The following LOXL4 variants were observed in gnomAD, a reference collection of about 807,000 sequenced individuals.
LOXL4 encodes the protein lysyl oxidase homolog 4.
A neutral mutation model predicts 89.1 loss-of-function variants in LOXL4; 72 were observed. The ratio of observed to expected loss-of-function variants is 0.81; its 90% CI spans 0.67 to 0.98. The LOEUF (loss-of-function observed/expected upper bound fraction) is 0.98. Ranked by LOEUF, LOXL4 falls within the 50% of genes least tolerant of loss-of-function variation. The pLI, the probability that LOXL4 is intolerant of heterozygous loss-of-function variation, is 0.00. For missense variants in LOXL4, 984 were observed against 1,017.5 expected, an observed-to-expected ratio of 0.97 and a Z score of 0.45; for synonymous variants, 355 against 392.1, an observed-to-expected ratio of 0.91 and a Z score of 1.12.
In LOXL4 at chr10:98,261,058, C is replaced by G; in HGVS notation, c.526G>C (p.Glu176Gln). 1 of 1,613,974 alleles carries G rather than the reference C, an allele frequency of 6.2e-7. No individual in the cohort carries two copies. Among genetic ancestry groups the G allele is most frequent in the Non-Finnish European group, 8.5e-7 (1 of 1,180,048 alleles). The change falls in exon 4 of 15, where the codon GAG becomes CAG. Residue 176 changes from glutamate to glutamine, a missense_variant. By Grantham distance (29) the Glu-to-Gln change is conservative. Coordinates refer to ENST00000260702, the MANE Select transcript of LOXL4 (RefSeq NM_032211.7). ...TCATACTTCACCTCCACGGCTCCCTCGGTCACTGGGCTATGCTGCTTGGCA... is the reference window on the plus strand; with the variant it reads ...TCATACTTCACCTCCACGGCTCCCTGGGTCACTGGGCTATGCTGCTTGGCA... ...ASAKQHSPVT[E>Q]GAVEVKYEGH...
intron 11 of LOXL4, among the ~76,000 whole-genome samples, chr10:98,253,111 T>C (rs946076374): frequency 2.0e-5 from 3 of 152,230 alleles, no homozygotes; most frequent in Non-Finnish European, 1.5e-5. Context: ...TTCATGCTGT[T>C]CTTTGAGGGC....
rs759559246 is a variant in LOXL4 at position 98,253,757 on chromosome 10, T to G, written c.1631A>C (p.Glu544Ala). 1.9e-6 allele frequency: 3 copies of G among 1,614,122 alleles called. No individual in the cohort carries two copies. In the Admixed American group the frequency reaches 5.0e-5, roughly 27 times the overall value. Reference protein sequence around the residue: ...DLVMNAQLVQETAYLEDRPLS... With the variant: ...DLVMNAQLVQATAYLEDRPLS... ...CGGGCGGTCCTCCAAGTAGGCCGTC[T>G]CCTGCACTAGCTGGGCGTTCATCAC... Residue 544 changes from glutamate (E) to alanine (A), a missense_variant, in exon 11 of 15, where the codon GAG (glutamate) becomes GCG (alanine). By Grantham distance (107) the Glu-to-Ala change is moderately radical (BLOSUM62 -1). Transcript: ENST00000260702.
rs1858099354 is a variant in LOXL4 at position 98,248,441 on chromosome 10, C to T, written c.*480G>A. ...GAAAGGATTGGATCCACCAGCTTCT[C>T]TGCCAGTTGTGATTTTGATACAAGT... is the stretch of plus-strand genomic sequence containing the variant. On this transcript the variant is annotated 3_prime_UTR_variant, in exon 15 of 15. Coordinates refer to ENST00000260702, the MANE Select transcript of LOXL4 (RefSeq NM_032211.7). 6.4e-6 allele frequency: 1 copy of T among 155,134 alleles called. No homozygotes were observed. Among genetic ancestry groups the T allele is most frequent in the African/African-American group, 2.4e-5 (1 of 41,496 alleles). The allele number at this position is 155,134 out of a possible 1,614,324, so 9.6% of individuals were successfully genotyped here. A position where few individuals can be genotyped will look rare whatever the true frequency, so the allele number is the denominator to read the frequency against.
chr10:98,264,663 C>T (rs564093638), intron 1 of LOXL4, among the ~76,000 whole-genome samples: 10 of 152,034 alleles, frequency 6.6e-5, no homozygotes, highest in Non-Finnish European at 1.0e-4. Flanking sequence ...GCCTTGGTCC[C>T]GGGACCAGCA....
At position 98,256,772 on chromosome 10, in the gene LOXL4, G is replaced by A. The variant is rs777853393; in HGVS notation, c.1428+8C>T. ...AGGTCATACGGAAGAAACAACAGAGGGACCTACCTTGTAGGCATGGATGGC... is the reference window on the plus strand; with the variant it reads ...AGGTCATACGGAAGAAACAACAGAGAGACCTACCTTGTAGGCATGGATGGC... On this transcript the variant is annotated splice_region_variant and intron_variant, in intron 9 of 14. Transcript: ENST00000260702. 2.5e-6 allele frequency: 4 copies of A among 1,613,996 alleles called. No individual in the cohort carries two copies. Among genetic ancestry groups the A allele is most frequent in the Non-Finnish European group, 2.5e-6 (3 of 1,180,038 alleles).
chr10:98,249,517 G>A (rs1858127867), intron 14 of LOXL4, among the ~76,000 whole-genome samples: 1 of 152,222 alleles, frequency 6.6e-6, no homozygotes, highest in Admixed American at 6.5e-5. Flanking sequence ...CCCTCTTCAA[G>A]CCTAAAGCAG....
chr10:98,252,008 C>A, intron 12 of LOXL4: 1 of 483,852 alleles, frequency 2.1e-6, no homozygotes, highest in Admixed American at 3.8e-5. Context: ...TCAGTGTTTA[C>A]CATGCAGTTC....
intron 12 of LOXL4, 58 bp from the exon 13 acceptor site, chr10:98,251,760 T>C (rs1858199651): frequency 2.5e-6 from 4 of 1,590,060 alleles, no homozygotes; most frequent in East Asian, 2.2e-5. Context: ...GCTAGGTCTT[T>C]TATTTCCTTT....
At chr10:98,251,940 G>C (rs1226759780) in intron 12 of LOXL4, 2 of 549,538 alleles carry the variant, frequency 3.6e-6, no homozygotes, top group Admixed American at 3.5e-5. Flanking sequence ...AGATTCCAAC[G>C]CTCCCGTGCT....
chr10:98,253,424 A>G, intron 11 of LOXL4, 129 bp downstream of exon 11: 1 of 1,318,158 alleles, frequency 7.6e-7, no homozygotes, highest in Non-Finnish European at 1.1e-6. Flanking sequence ...TCCTGCAGGC[A>G]AGGCCAGCAA....
Position 98,248,992 on chromosome 10 carries a change from C to A in LOXL4, c.2201-1G>T. On this transcript the variant is annotated splice_acceptor_variant, in intron 14 of 14. Transcript: ENST00000260702. LOFTEE classifies it high-confidence loss of function. ...TCTGCATTGGCTGGGTATGAATTCC[C>A]TGTGGGCCAAAGGAAAACAGGTAAG... 6.2e-7 allele frequency: 1 copy of A among 1,613,674 alleles called. No homozygotes were observed. The highest frequency in any genetic ancestry group is 1.3e-5 in the African/African-American group (1 of 75,052).
chr10:98,256,652 C>G (rs939727918), intron 9 of LOXL4, 128 bp downstream of exon 9: 1 of 1,027,022 alleles, frequency 9.7e-7, no homozygotes, highest in Admixed American at 2.2e-5. Context: ...AGCATCATGT[C>G]GGCTCATAGT....
At chr10:98,265,226 TG>T (rs1321306870) in intron 1 of LOXL4, among the ~76,000 whole-genome samples, 17 of 152,308 alleles carry the variant, frequency 1.1e-4, no homozygotes, top group African/African-American at 3.8e-4. Flanking sequence ...GAAGTGATCT[TG>T]GGCCAGCGAT....
At position 98,262,939 on chromosome 10, in the gene LOXL4, C is replaced by T. The variant is rs1469248547; in HGVS notation, c.81G>A (p.Leu27=). The T allele has an allele frequency of 1.9e-6, 3 of 1,613,730 alleles. No individual in the cohort carries two copies. Among genetic ancestry groups the T allele is most frequent in the Admixed American group, 1.7e-5 (1 of 60,026 alleles). ...GQPPPSRPQS[L]GTTKLRLVGP... is the part of the protein sequence containing the mutation. Reference sequence around the variant, plus strand: ...CCACCAGCCGGAGCTTAGTGGTGCCCAGTGACTGTGGCCTGCTGGGAGGGG... The same window carrying T: ...CCACCAGCCGGAGCTTAGTGGTGCCTAGTGACTGTGGCCTGCTGGGAGGGG... The change falls in exon 2 of 15, where the codon CTG becomes CTA. Residue 27 remains leucine (L), a synonymous_variant. Coordinates refer to ENST00000260702, the MANE Select transcript of LOXL4 (RefSeq NM_032211.7).
At chr10:98,251,437 C>G in intron 13 of LOXL4, 129 bp downstream of exon 13, 1 of 1,289,954 alleles carries the variant, frequency 7.8e-7, no homozygotes. Context: ...CCTAACAGGA[C>G]AGCTCCTTTA....
rs755971596 is a variant in LOXL4, at chr10:98,248,977, C to T, written c.2215G>A (p.Ala739Thr). 4 of 1,613,914 alleles carry T rather than the reference C, an allele frequency of 2.5e-6. No individual in the cohort carries two copies. In the South Asian group the frequency reaches 4.4e-5, roughly 18 times the overall value. Residue 739 changes from alanine (A) to threonine (T), a missense_variant, in exon 15 of 15, where the codon GCC becomes ACC. Coordinates refer to ENST00000260702, the MANE Select transcript of LOXL4 (RefSeq NM_032211.7). Reference protein sequence around the residue: ...HNCHTGNSYPANAELSLEQEQ... With the variant: ...HNCHTGNSYPTNAELSLEQEQ... Reference sequence around the variant, plus strand: ...TGCTCCAGGGAGAGTTCTGCATTGGCTGGGTATGAATTCCCTGTGGGCCAA... The same window carrying T: ...TGCTCCAGGGAGAGTTCTGCATTGGTTGGGTATGAATTCCCTGTGGGCCAA...
intron 14 of LOXL4, among the ~76,000 whole-genome samples, chr10:98,250,027 C>G (rs911541775): frequency 6.6e-6 from 1 of 152,082 alleles, no homozygotes; most frequent in Non-Finnish European, 1.5e-5. Flanking sequence ...CTATCACAAC[C>G]CTCCCTGCAA....
At chr10:98,266,944 G>C (rs1052360782) in intron 1 of LOXL4, among the ~76,000 whole-genome samples, 2 of 152,186 alleles carry the variant, frequency 1.3e-5, no homozygotes, top group Non-Finnish European at 2.9e-5. Context: ...CTCCCTCAGA[G>C]AAGGAAGCGG....
chr10:98,251,780 G>T, intron 12 of LOXL4, 78 bp from the exon 13 acceptor site: 2 of 1,534,064 alleles, frequency 1.3e-6, no homozygotes, highest in South Asian at 1.2e-5. Flanking sequence ...TACCAGTTCA[G>T]TGTCATCATG....
Sources: allele counts gnomAD v4.1 joint callset (sites outside exome capture counted in the v4.1 genomes callset), GRCh38; gene constraint gnomAD v4.1.1; transcripts MANE v1.5; gene names NCBI Gene and HGNC (gene_info 2026-07-23, HGNC 2026-07-21).